XXYLT1: variants seen among roughly 807,000 people sequenced by gnomAD.
XXYLT1 encodes the protein UDP-xylose:alpha-xyloside alpha-1,3-xylosyltransferase.
Under a neutral mutation model 28.9 loss-of-function variants are expected in XXYLT1, and 20 were observed. That is an observed-to-expected ratio of 0.69 (90% CI 0.49 to 1.00). The LOEUF is 1.00. Ranked by LOEUF, XXYLT1 falls within the 50% of genes least tolerant of loss-of-function variation. XXYLT1 has a pLI of 0.00. For synonymous variants in XXYLT1, 257 were observed against 253.8 expected, an observed-to-expected ratio of 1.01 and a Z score of -0.12; for missense variants, 542 against 560.1, an observed-to-expected ratio of 0.97 and a Z score of 0.33.
chr3:195,126,631 A>G (rs886745820), intron 3 of XXYLT1, among the ~76,000 whole-genome samples: 2 of 150,860 alleles, frequency 1.3e-5, no homozygotes, highest in Non-Finnish European at 3.0e-5. Context: ...GCACGCAGGG[A>G]CAGAATGTCC....
chr3:195,137,774 A>C (rs1489193118), intron 3 of XXYLT1, among the ~76,000 whole-genome samples: 1 of 152,198 alleles, frequency 6.6e-6, no homozygotes, highest in Non-Finnish European at 1.5e-5. Flanking sequence ...TGTGTACATG[A>C]CATCATTGTA....
At chr3:195,108,021 G>C (rs1036620194) in intron 3 of XXYLT1, among the ~76,000 whole-genome samples, 5 of 152,186 alleles carry the variant, frequency 3.3e-5, no homozygotes, top group Non-Finnish European at 5.9e-5. Flanking sequence ...AACCGTGTCA[G>C]ATGAGAAGTG....
At chr3:195,243,013 T>C (rs1724845345) in intron 1 of XXYLT1, among the ~76,000 whole-genome samples, 1 of 152,144 alleles carries the variant, frequency 6.6e-6, no homozygotes, top group South Asian at 2.1e-4. Flanking sequence ...ATATACACCA[T>C]GGAATACTAT....
chr3:195,218,829 G>C (rs1230550221), intron 2 of XXYLT1, among the ~76,000 whole-genome samples: 1 of 151,874 alleles, frequency 6.6e-6, no homozygotes, highest in Admixed American at 6.6e-5. Flanking sequence ...ATACCCAAAG[G>C]ACTATAAATC....
chr3:195,193,682 G>C lies in XXYLT1; in HGVS notation c.652+33027C>G, dbSNP rs577707060. Among the ~76,000 whole-genome samples, 3 of 152,278 alleles carry C rather than the reference G, an allele frequency of 2.0e-5. No homozygotes were observed. In the South Asian group the frequency reaches 6.2e-4, roughly 32 times the overall value. On this transcript the variant is annotated intron_variant, in intron 2 of 3. Coordinates refer to ENST00000310380, the MANE Select transcript of XXYLT1 (RefSeq NM_152531.5). Reference sequence around the variant, plus strand: ...TCCAGACGGTGTGATACTGGCACAGGAAAGGCTTATAGATCAATGCAATAA... The same window carrying C: ...TCCAGACGGTGTGATACTGGCACAGCAAAGGCTTATAGATCAATGCAATAA...
intron 1 of XXYLT1, among the ~76,000 whole-genome samples, chr3:195,241,427 G>A (rs1216903683): frequency 6.6e-6 from 1 of 152,058 alleles, no homozygotes; most frequent in Non-Finnish European, 1.5e-5. Context: ...AGTGATGGAT[G>A]GGCAGAGCTA....
intron 3 of XXYLT1, among the ~76,000 whole-genome samples, chr3:195,154,493 G>A (rs564455075): frequency 9.2e-5 from 14 of 152,018 alleles, no homozygotes; most frequent in African/African-American, 3.4e-4. Context: ...GGAGGGAGGG[G>A]AAATGCTCTT....
At chr3:195,235,645 G>A (rs1193129281) in intron 1 of XXYLT1, among the ~76,000 whole-genome samples, 1 of 152,124 alleles carries the variant, frequency 6.6e-6, no homozygotes, top group Non-Finnish European at 1.5e-5. Flanking sequence ...GGGTTTGTTT[G>A]TACTCATCCT....
intron 1 of XXYLT1, among the ~76,000 whole-genome samples, chr3:195,248,749 C>T (rs1021952999): frequency 6.6e-6 from 1 of 152,174 alleles, no homozygotes; most frequent in Non-Finnish European, 1.5e-5. Flanking sequence ...GAAACGCCGT[C>T]TCTACTAAGA....
intron 3 of XXYLT1, among the ~76,000 whole-genome samples, chr3:195,144,618 C>T (rs1719735623): frequency 1.3e-5 from 2 of 152,056 alleles, no homozygotes; most frequent in South Asian, 2.1e-4. Flanking sequence ...CCCCGTGATC[C>T]GCCCGCCTCA....
rs533478813 is a variant in XXYLT1, at chr3:195,069,713, G to A, written c.*2C>T. 3.3e-5 allele frequency: 53 copies of A among 1,608,966 alleles called. 1 individual carries two copies. In the South Asian group the frequency reaches 3.8e-4, roughly 11 times the overall value. On this transcript the variant is annotated 3_prime_UTR_variant, in exon 4 of 4. Coordinates refer to ENST00000310380, the MANE Select transcript of XXYLT1 (RefSeq NM_152531.5). ...GCCCCGGGGGCAAGGCACGGGGAGCGCCTAGTCCTCCGGGATGGGAGTGTT... is the reference window on the plus strand; with the variant it reads ...GCCCCGGGGGCAAGGCACGGGGAGCACCTAGTCCTCCGGGATGGGAGTGTT...
chr3:195,121,446 G>A (rs368818637), intron 3 of XXYLT1, among the ~76,000 whole-genome samples: 109 of 152,238 alleles, frequency 7.2e-4, no homozygotes, highest in African/African-American at 2.4e-3. Flanking sequence ...CCTCCAGGAT[G>A]ACCTCCCAAG....
intron 3 of XXYLT1, among the ~76,000 whole-genome samples, chr3:195,118,488 G>T (rs1718165019): frequency 9.1e-6 from 1 of 110,018 alleles, no homozygotes; most frequent in South Asian, 2.6e-4. Context: ...AGGCTGCACA[G>T]GTGACGCCAG....
At chr3:195,130,360 G>A (rs1718842265) in intron 3 of XXYLT1, among the ~76,000 whole-genome samples, 10 of 152,226 alleles carry the variant, frequency 6.6e-5, no homozygotes, top group Admixed American at 6.5e-4. Flanking sequence ...GAAACTGCTA[G>A]GCAGGTCTGG....
chr3:195,235,408 A>G (rs1397956803), intron 1 of XXYLT1, among the ~76,000 whole-genome samples: 1 of 152,170 alleles, frequency 6.6e-6, no homozygotes, highest in East Asian at 1.9e-4. Context: ...TAGGATTCTG[A>G]ATTCCTTCTC....
At chr3:195,237,201 A>AC (rs150800754) in intron 1 of XXYLT1, among the ~76,000 whole-genome samples, 10,222 of 152,020 alleles carry the variant, frequency 0.067, 1,148 homozygotes, top group African/African-American at 0.23. Context: ...TTTATTTAGA[A>AC]CCCAGAACAC....
intron 2 of XXYLT1, among the ~76,000 whole-genome samples, chr3:195,211,614 G>A (rs1349955528): frequency 6.6e-6 from 1 of 152,188 alleles, no homozygotes; most frequent in African/African-American, 2.4e-5. Flanking sequence ...CTTACATCTG[G>A]GTGGGGCAGA....
At chr3:195,151,646 GATTA>G (rs1720268283) in intron 3 of XXYLT1, among the ~76,000 whole-genome samples, 1 of 151,590 alleles carries the variant, frequency 6.6e-6, no homozygotes, top group Non-Finnish European at 1.5e-5. Context: ...ATAAATAAAC[GATTA>G]TTTATAAACA....
At chr3:195,098,688 C>T (rs969640678) in intron 3 of XXYLT1, among the ~76,000 whole-genome samples, 3 of 152,242 alleles carry the variant, frequency 2.0e-5, no homozygotes, top group Non-Finnish European at 2.9e-5. Context: ...CTCCTCGCTG[C>T]GCTGGCCCCT....
Sources: allele counts gnomAD v4.1 joint callset (sites outside exome capture counted in the v4.1 genomes callset), GRCh38; gene constraint gnomAD v4.1.1; transcripts MANE v1.5; gene names NCBI Gene and HGNC (gene_info 2026-07-23, HGNC 2026-07-21).